ADAMTS16: variants seen among roughly 807,000 people sequenced by gnomAD.
ADAMTS16 encodes the protein A disintegrin and metalloproteinase with thrombospondin motifs 16.
Under a neutral mutation model 145.8 loss-of-function variants are expected in ADAMTS16, and 94 were observed. The ratio of observed to expected loss-of-function variants is 0.64; its 90% confidence interval spans 0.55 to 0.77. The LOEUF (loss-of-function observed/expected upper bound fraction) is 0.77. ADAMTS16 is among the 30% of genes least tolerant of loss of function. The probability of loss-of-function intolerance (pLI) is 0.00; values close to 1 mark genes in which losing one functional copy is unlikely to be tolerated. For missense variants in ADAMTS16, 1,585 were observed against 1,591.5 expected, an observed-to-expected ratio of 1.00 and a Z score of 0.07; for synonymous variants, 659 against 604.3, an observed-to-expected ratio of 1.09 and a Z score of -1.33.
rs572338308 is a variant in ADAMTS16, at chr5:5,320,264, T to A, written c.*1126T>A. On this transcript the variant is annotated 3_prime_UTR_variant, in exon 23 of 23. Coordinates refer to ENST00000274181, the MANE Select transcript of ADAMTS16 (RefSeq NM_139056.4). The surrounding 1 kb of genome is among the most constrained non-coding windows in gnomAD (Gnocchi z 5.1). ...CCAAAGGGGCACCTGGATATTTATATTTGCTGAAGTTTTATAATAAAGTTT... is the reference window on the plus strand; with the variant it reads ...CCAAAGGGGCACCTGGATATTTATAATTGCTGAAGTTTTATAATAAAGTTT... The A allele has an allele frequency of 7.6e-4, 185 of 243,882 alleles. 2 individuals are homozygous for A. In the South Asian group the frequency reaches 8.9e-3, roughly 12 times the overall value. 15.1% of individuals were successfully genotyped at this position (243,882 alleles called of 1,614,324 possible).
intron 11 of ADAMTS16, among the ~76,000 whole-genome samples, chr5:5,231,540 T>G (rs1736924189): frequency 6.6e-6 from 1 of 152,058 alleles, no homozygotes; most frequent in Non-Finnish European, 1.5e-5. Flanking sequence ...CTCACTCCAC[T>G]GGGGCCAGGA....
chr5:5,162,763 A>G (rs1734775963), intron 3 of ADAMTS16, among the ~76,000 whole-genome samples: 1 of 33,232 alleles, frequency 3.0e-5, no homozygotes, highest in South Asian at 1.0e-3. Context: ...AAGAGAAGAG[A>G]GGAGAGGAGA....
At chr5:5,288,426 TATAG>T (rs1421289793) in intron 18 of ADAMTS16, among the ~76,000 whole-genome samples, 1 of 152,228 alleles carries the variant, frequency 6.6e-6, no homozygotes, top group African/African-American at 2.4e-5. Flanking sequence ...TTTCAGATGT[TATAG>T]ATAATCTGTA....
At chr5:5,171,134 T>G (rs1735032191) in intron 3 of ADAMTS16, among the ~76,000 whole-genome samples, 1 of 152,256 alleles carries the variant, frequency 6.6e-6, no homozygotes, top group African/African-American at 2.4e-5. Context: ...CCTGCAACTT[T>G]ACTGAATTTG....
intron 3 of ADAMTS16, among the ~76,000 whole-genome samples, chr5:5,161,879 G>A (rs1287486134): frequency 1.3e-5 from 2 of 152,294 alleles, no homozygotes; most frequent in Non-Finnish European, 2.9e-5. Context: ...GCAGGGGACA[G>A]GGACTGTGAA....
chr5:5,145,671 A>C (rs1371855723), intron 2 of ADAMTS16, among the ~76,000 whole-genome samples: 1 of 152,234 alleles, frequency 6.6e-6, no homozygotes, highest in Admixed American at 6.5e-5. Context: ...TAAGAATATG[A>C]CTTATTTCAT....
At chr5:5,303,900 C>G in intron 20 of ADAMTS16, 134 bp downstream of exon 20, 1 of 1,022,576 alleles carries the variant, frequency 9.8e-7, no homozygotes, top group Non-Finnish European at 1.4e-6. Flanking sequence ...TGCACCTTCT[C>G]AGCTTCCAAC....
At chr5:5,306,432 G>C (rs1229789988) in intron 20 of ADAMTS16, 72 bp from the exon 21 acceptor site, 3 of 1,335,190 alleles carry the variant, frequency 2.2e-6, no homozygotes, top group Non-Finnish European at 2.1e-6. Flanking sequence ...AGATATCTCT[G>C]ATATTTTAAC....
intron 3 of ADAMTS16, among the ~76,000 whole-genome samples, chr5:5,181,008 A>G (rs1295388631): frequency 6.6e-6 from 1 of 152,228 alleles, no homozygotes; most frequent in Non-Finnish European, 1.5e-5. Flanking sequence ...AATTATACAA[A>G]TATACTTTAA....
At chr5:5,312,950 G>C (rs1326548897) in intron 21 of ADAMTS16, among the ~76,000 whole-genome samples, 1 of 152,168 alleles carries the variant, frequency 6.6e-6, no homozygotes, top group African/African-American at 2.4e-5. Flanking sequence ...CCAAGCCCAC[G>C]TTCACCACCC....
chr5:5,180,761 A>C (rs1277965073), intron 3 of ADAMTS16, among the ~76,000 whole-genome samples: 1 of 152,200 alleles, frequency 6.6e-6, no homozygotes, highest in Non-Finnish European at 1.5e-5. Context: ...TTTTGTTCTA[A>C]TCCTTACACT....
intron 3 of ADAMTS16, among the ~76,000 whole-genome samples, chr5:5,146,790 A>G (rs1416367691): frequency 6.6e-6 from 1 of 152,188 alleles, no homozygotes; most frequent in Non-Finnish European, 1.5e-5. Flanking sequence ...ACAGCTTCTA[A>G]CTGACAGAAA....
chr5:5,256,308 G>T (rs1001286967), intron 17 of ADAMTS16, among the ~76,000 whole-genome samples: 1 of 152,188 alleles, frequency 6.6e-6, no homozygotes, highest in Non-Finnish European at 1.5e-5. Context: ...CTGCTGTGCT[G>T]CATAACAAGG....
intron 18 of ADAMTS16, among the ~76,000 whole-genome samples, chr5:5,302,804 T>A (rs551286509): frequency 1.3e-5 from 2 of 152,306 alleles, no homozygotes; most frequent in East Asian, 3.9e-4. Flanking sequence ...GGTTATGTTT[T>A]AAAAAATCCT....
intron 11 of ADAMTS16, among the ~76,000 whole-genome samples, chr5:5,224,590 A>G (rs561728397): frequency 1.3e-5 from 2 of 152,220 alleles, no homozygotes; most frequent in South Asian, 2.1e-4. Context: ...CATCCGGCCA[A>G]CTGCTTTCAG....
At chr5:5,168,106 G>A (rs1165074171) in intron 3 of ADAMTS16, among the ~76,000 whole-genome samples, 1 of 152,052 alleles carries the variant, frequency 6.6e-6, no homozygotes, top group Non-Finnish European at 1.5e-5. Context: ...AACTACAAAT[G>A]CAACAACAAA....
intron 6 of ADAMTS16, among the ~76,000 whole-genome samples, chr5:5,189,342 C>T (rs558327845): frequency 3.3e-5 from 5 of 152,170 alleles, no homozygotes; most frequent in African/African-American, 1.2e-4. Flanking sequence ...GTTACTTCAT[C>T]GTTGCGTTAT....
chr5:5,307,226 G>T (rs62340886), intron 21 of ADAMTS16, among the ~76,000 whole-genome samples: 4 of 151,954 alleles, frequency 2.6e-5, no homozygotes, highest in African/African-American at 9.7e-5. Flanking sequence ...CCACCCCTGC[G>T]ATGCTGCTGG....
At chr5:5,234,869 C>CAA (rs1553993127) in intron 12 of ADAMTS16, 145 bp from the exon 13 acceptor site, 172 of 56,206 alleles carry the variant, frequency 3.1e-3, no homozygotes, top group East Asian at 4.6e-3. Flanking sequence ...GACTCCATCT[C>CAA]AAAAAAAAAA....
Sources: gnomAD v4.1 joint callset for allele counts (sites outside exome capture counted in the v4.1 genomes callset) on GRCh38, gnomAD v4.1.1 for gene constraint, Gnocchi (gnomAD v3.1) non-coding constraint, MANE v1.5 for transcripts, NCBI Gene and HGNC (gene_info 2026-07-23, HGNC 2026-07-21) for gene names.